The following DNAH14 variants were observed in gnomAD, a reference collection of about 807,000 sequenced individuals.
DNAH14 encodes dynein axonemal heavy chain 14, also known as axonemal beta dynein heavy chain 14.
In DNAH14, 478 loss-of-function variants were observed where a neutral mutation model predicts 520.9. That is an observed-to-expected ratio of 0.92 (90% confidence interval 0.85 to 0.99). The LOEUF is 0.99. DNAH14 is among the 50% of genes least tolerant of loss of function. The pLI, the probability that DNAH14 is intolerant of heterozygous loss-of-function variation, is 0.00. For missense variants in DNAH14, 4,831 were observed against 5,234.5 expected (o/e 0.92, Z 2.38); for synonymous variants, 1,581 against 1,757.2 (o/e 0.90, Z 2.51).
At chr1:225,167,274 T>C (rs906025090) in intron 35 of DNAH14, among the ~76,000 whole-genome samples, 16 of 152,334 alleles carry the variant, frequency 1.1e-4, no homozygotes, top group Non-Finnish European at 2.4e-4. Flanking sequence ...AAAAATGGAA[T>C]GGAAGAGATC....
intron 36 of DNAH14, among the ~76,000 whole-genome samples, chr1:225,168,657 T>G (rs938209325): frequency 2.6e-5 from 4 of 152,164 alleles, no homozygotes; most frequent in African/African-American, 9.7e-5. Flanking sequence ...GCCTGGAATC[T>G]CAAACTGGGT....
chr1:225,079,562 G>T lies in DNAH14; in HGVS notation c.2766+14G>T, dbSNP rs1379053769. The stretch of plus-strand genomic sequence containing the variant: ...TTAAAAGCCAAGGTAAGTTTTTAGG[G>T]TTTTTTTGGATTTTTTTTTTATTAA... On this transcript the variant is annotated intron_variant, in intron 18 of 85. Coordinates refer to ENST00000682510, the MANE Select transcript of DNAH14 (RefSeq NM_001367479.1). 8.7e-6 allele frequency: 13 copies of T among 1,486,226 alleles called. No homozygotes were observed. Among genetic ancestry groups the T allele is most frequent in the Non-Finnish European group, 1.2e-5 (13 of 1,125,272 alleles). 92.1% of individuals were successfully genotyped at this position (1,486,226 alleles called of 1,614,324 possible). A position where few individuals can be genotyped will look rare whatever the true frequency, so the allele number is the denominator to read the frequency against.
At chr1:224,945,145 T>G (rs538213272) in intron 1 of DNAH14, among the ~76,000 whole-genome samples, 1 of 152,324 alleles carries the variant, frequency 6.6e-6, no homozygotes, top group Admixed American at 6.5e-5. Context: ...AGATGTAGAT[T>G]TGGTCTTTTC....
At chr1:225,219,655 G>C (rs1399760903) in intron 41 of DNAH14, among the ~76,000 whole-genome samples, 2 of 152,094 alleles carry the variant, frequency 1.3e-5, no homozygotes, top group African/African-American at 4.8e-5. Flanking sequence ...CTGAAATTGA[G>C]ACAGTAATCC....
chr1:225,126,047 T>A (rs1331773412), intron 27 of DNAH14, among the ~76,000 whole-genome samples: 1 of 152,152 alleles, frequency 6.6e-6, no homozygotes, highest in Non-Finnish European at 1.5e-5. Context: ...ATTTATCAAT[T>A]AAGTTTGCTG....
intron 27 of DNAH14, among the ~76,000 whole-genome samples, chr1:225,137,128 C>G (rs1182232831): frequency 2.6e-5 from 4 of 152,168 alleles, no homozygotes; most frequent in Admixed American, 1.3e-4. Flanking sequence ...AGTTATTACC[C>G]ACCTTCTGAA....
intron 17 of DNAH14, among the ~76,000 whole-genome samples, chr1:225,075,834 G>C (rs1278984028): frequency 6.6e-6 from 1 of 152,172 alleles, no homozygotes; most frequent in East Asian, 1.9e-4. Context: ...TGGTGTCTGT[G>C]CATTTGAAGA....
In DNAH14 at chr1:225,190,865, T is replaced by C. The variant is rs78088209; in HGVS notation, c.5671-1831T>C. Among the ~76,000 whole-genome samples, 886 of 152,110 alleles carry C rather than the reference T, an allele frequency of 5.8e-3. 4 individuals are homozygous for C. Among genetic ancestry groups the C allele is most frequent in the Non-Finnish European group, 9.2e-3 (623 of 67,922 alleles). ...AATTTGTTGTTTAAGTTACCCAGAC[T>C]GTGGTATTTTGTTGTGGCAGCCCTA... On this transcript the variant is annotated intron_variant, in intron 37 of 85. Coordinates refer to ENST00000682510, the MANE Select transcript of DNAH14 (RefSeq NM_001367479.1).
chr1:224,989,929 A>G (rs779317915), intron 8 of DNAH14, among the ~76,000 whole-genome samples: 4 of 152,104 alleles, frequency 2.6e-5, no homozygotes, highest in Non-Finnish European at 2.9e-5. Flanking sequence ...GTCATGATGC[A>G]TAATTCTTTT....
intron 27 of DNAH14, among the ~76,000 whole-genome samples, chr1:225,129,080 G>T (rs1467617049): frequency 6.6e-6 from 1 of 151,972 alleles, no homozygotes; most frequent in African/African-American, 2.4e-5. Context: ...GCTTCAAAGA[G>T]AATAGAATAC....
intron 68 of DNAH14, among the ~76,000 whole-genome samples, chr1:225,340,245 G>T (rs2095150984): frequency 6.6e-6 from 1 of 152,010 alleles, no homozygotes. Context: ...ACTAAACATA[G>T]TATGTACACA....
rs1027632435 is a variant in DNAH14, at chr1:225,140,850, G to C, written c.4337G>C (p.Gly1446Ala). ...SREKLEKVHA[G>A]LMCHLEEVAD... The stretch of plus-strand genomic sequence containing the variant: ...GAAAAATTGGAAAAAGTCCACGCTG[G>C]TCTGATGTGTCATCTAGAAGAGGTT... Residue 1446 changes from glycine to alanine, a missense_variant, in exon 28 of 86, where the codon GGT becomes GCT. Physicochemically the swap from Gly to Ala is moderately conservative, Grantham distance 60. Coordinates refer to ENST00000682510, the MANE Select transcript of DNAH14 (RefSeq NM_001367479.1). 1.9e-6 allele frequency: 3 copies of C among 1,551,038 alleles called. No homozygotes were observed. The highest frequency in any genetic ancestry group is 3.9e-5 in the Admixed American group (2 of 50,980).
In DNAH14 at chr1:225,252,286, T is replaced by C. The variant is rs630120; in HGVS notation, c.6749-15T>C. On this transcript the variant is annotated splice_polypyrimidine_tract_variant and intron_variant, in intron 43 of 85. Coordinates refer to ENST00000682510, the MANE Select transcript of DNAH14 (RefSeq NM_001367479.1). ...GAACCCCTTTCTTAGTTGAATTTAT[T>C]ATTTTCGGTTGTAGGCATCAACCTA... 379,859 of 1,401,128 alleles carry C rather than the reference T, an allele frequency of 0.27. 61,470 individuals carry two copies. The highest frequency in any genetic ancestry group is 0.62 in the African/African-American group (43,802 of 70,132). 86.8% of individuals were successfully genotyped at this position (1,401,128 alleles called of 1,614,324 possible). A position where few individuals can be genotyped will look rare whatever the true frequency, so the allele number is the denominator to read the frequency against.
chr1:225,357,315 T>TA (rs537481703), intron 73 of DNAH14, among the ~76,000 whole-genome samples: 205 of 144,102 alleles, frequency 1.4e-3, no homozygotes, highest in African/African-American at 3.6e-3. Context: ...CTCCTACCTC[T>TA]AAAAAAAAAA....
chr1:224,935,358 G>A (rs1276353509), intron 1 of DNAH14, among the ~76,000 whole-genome samples: 2 of 151,872 alleles, frequency 1.3e-5, no homozygotes, highest in Non-Finnish European at 3.0e-5. Flanking sequence ...TATCAGTAAC[G>A]ACACATATAG....
intron 68 of DNAH14, among the ~76,000 whole-genome samples, chr1:225,338,582 A>G (rs908250352): frequency 2.6e-5 from 4 of 152,158 alleles, no homozygotes; most frequent in African/African-American, 9.7e-5. Context: ...ATCTAGAGCA[A>G]AAAGAGATTT....
At position 225,156,913 on chromosome 1, in the gene DNAH14, C is replaced by CTT. The variant is rs1271418292; in HGVS notation, c.5274-2401_5274-2400insTT. Among the ~76,000 whole-genome samples the CTT allele has an allele frequency of 1.4e-5, 2 of 141,430 alleles. 1 individual carries two copies. Among genetic ancestry groups the CTT allele is most frequent in the African/African-American group, 5.4e-5 (2 of 36,932 alleles). 92.8% of individuals were successfully genotyped at this position (141,430 alleles called of 152,430 possible). ...TGTATTTTTAGTAGAGACGGGGTTT[C>CTT]ACCGTTTTAGCCGGGATGGTCTCGA... On this transcript the variant is annotated intron_variant, in intron 34 of 85. Transcript: ENST00000682510.
At chr1:225,213,767 G>C (rs2088831708) in intron 41 of DNAH14, among the ~76,000 whole-genome samples, 1 of 152,160 alleles carries the variant, frequency 6.6e-6, no homozygotes, top group African/African-American at 2.4e-5. Context: ...TGTATTGTGA[G>C]ACTTTGCTGA....
intron 41 of DNAH14, among the ~76,000 whole-genome samples, chr1:225,211,824 AGTGGG>A (rs2088466346): frequency 1.3e-5 from 2 of 152,118 alleles, no homozygotes; most frequent in Non-Finnish European, 1.5e-5. Flanking sequence ...GCCAGAAGAG[AGTGGG>A]GGCCAATATT....
Sources: allele counts gnomAD v4.1 joint callset (sites outside exome capture counted in the v4.1 genomes callset), GRCh38; gene constraint gnomAD v4.1.1; transcripts MANE v1.5; gene names NCBI Gene and HGNC (gene_info 2026-07-23, HGNC 2026-07-21).